The following HPSE2 variants were observed in gnomAD, a reference collection of about 807,000 sequenced individuals.
HPSE2 encodes heparanase 2 (inactive).
Under a neutral mutation model 60.5 loss-of-function variants are expected in HPSE2, and 38 were observed. The ratio of observed to expected loss-of-function variants is 0.63; its 90% CI spans 0.48 to 0.82. The LOEUF (loss-of-function observed/expected upper bound fraction) is 0.82. HPSE2 is among the 40% of genes least tolerant of loss of function. The probability of loss-of-function intolerance (pLI) is 0.00; values close to 1 mark genes in which losing one functional copy is unlikely to be tolerated. For synonymous variants in HPSE2, 295 were observed against 293.2 expected, an observed-to-expected ratio of 1.01 and a Z score of -0.06; for missense variants, 713 against 740.4, an observed-to-expected ratio of 0.96 and a Z score of 0.43.
intron 8 of HPSE2, among the ~76,000 whole-genome samples, chr10:98,617,380 A>C (rs971293794): frequency 6.6e-6 from 1 of 152,214 alleles, no homozygotes; most frequent in Non-Finnish European, 1.5e-5. Context: ...ACCTCTACAG[A>C]GCTTAGCTTA....
intron 5 of HPSE2, among the ~76,000 whole-genome samples, chr10:98,696,592 GC>G (rs1948224787): frequency 1.7e-5 from 1 of 59,318 alleles, no homozygotes; most frequent in Non-Finnish European, 3.5e-5. Context: ...CACCACTGGG[GC>G]GAGGGTCCCA....
intron 3 of HPSE2, among the ~76,000 whole-genome samples, chr10:99,028,967 T>C (rs942120162): frequency 3.3e-5 from 5 of 152,152 alleles, no homozygotes; most frequent in Non-Finnish European, 7.3e-5. Flanking sequence ...TCTCACCATA[T>C]ATAAAAATCA....
chr10:98,701,346 T>C (rs569718111), intron 5 of HPSE2, among the ~76,000 whole-genome samples: 2,186 of 149,048 alleles, frequency 0.015, 55 homozygotes, highest in African/African-American at 0.05. Context: ...CGTAGGGACA[T>C]GGATGAAATT....
chr10:98,673,993 CAGT>C (rs1947572222), intron 6 of HPSE2, among the ~76,000 whole-genome samples: 1 of 152,184 alleles, frequency 6.6e-6, no homozygotes, highest in Non-Finnish European at 1.5e-5. Context: ...GATTTCTACT[CAGT>C]AGGTCCAGAT....
intron 4 of HPSE2, among the ~76,000 whole-genome samples, chr10:98,730,949 T>C (rs1406105058): frequency 4.6e-5 from 7 of 152,038 alleles, no homozygotes; most frequent in East Asian, 3.9e-4. Context: ...TTTCAACTTA[T>C]GTTATGAGGC....
chr10:99,211,173 T>C (rs1009107614), intron 2 of HPSE2, among the ~76,000 whole-genome samples: 1 of 151,074 alleles, frequency 6.6e-6, no homozygotes, highest in Non-Finnish European at 1.5e-5. Context: ...TAATAGCTTT[T>C]ACAAAAAAAA....
chr10:98,827,392 G>A (rs1208950363), intron 3 of HPSE2, among the ~76,000 whole-genome samples: 1 of 151,978 alleles, frequency 6.6e-6, no homozygotes, highest in Non-Finnish European at 1.5e-5. Context: ...ATTTTTAGTA[G>A]AGACAGGGTT....
At chr10:98,992,438 C>T (rs1956547365) in intron 3 of HPSE2, among the ~76,000 whole-genome samples, 1 of 152,110 alleles carries the variant, frequency 6.6e-6, no homozygotes, top group Admixed American at 6.6e-5. Flanking sequence ...TGCTGCTAAT[C>T]ATTTACTGGG....
At chr10:98,675,723 G>T (rs1947623923) in intron 6 of HPSE2, among the ~76,000 whole-genome samples, 1 of 151,988 alleles carries the variant, frequency 6.6e-6, no homozygotes, top group African/African-American at 2.4e-5. Flanking sequence ...GACAGCATAA[G>T]ACCCCTATCT....
At chr10:98,878,886 C>T (rs745548774) in intron 3 of HPSE2, among the ~76,000 whole-genome samples, 1 of 151,678 alleles carries the variant, frequency 6.6e-6, no homozygotes, top group Non-Finnish European at 1.5e-5. Context: ...GACTGGATTA[C>T]AGTATAAAGA....
At chr10:99,083,966 C>CTTTT (rs34799799) in intron 3 of HPSE2, among the ~76,000 whole-genome samples, 11,117 of 79,746 alleles carry the variant, frequency 0.14, 1,220 homozygotes, top group Admixed American at 0.18. Flanking sequence ...GTGTGAAAGC[C>CTTTT]TTTTTTTTTT....
At chr10:99,107,965 C>CAAAATG (rs1351404027) in intron 3 of HPSE2, among the ~76,000 whole-genome samples, 8 of 151,912 alleles carry the variant, frequency 5.3e-5, no homozygotes, top group Admixed American at 5.3e-4. Context: ...TGTAAGGAGA[C>CAAAATG]CTTTTAACAG....
At chr10:98,781,411 TTAAA>T (rs1950466364) in intron 3 of HPSE2, among the ~76,000 whole-genome samples, 1 of 150,832 alleles carries the variant, frequency 6.6e-6, no homozygotes, top group South Asian at 2.1e-4. Context: ...AATTTATACA[TTAAA>T]TAAACAGTGG....
At chr10:99,261,023 T>C in the HPSE2 span, among the ~76,000 whole-genome samples, 1 of 152,178 alleles carries the variant, frequency 6.6e-6, no homozygotes, top group Non-Finnish European at 1.5e-5. Context: ...AATTTCTCCA[T>C]TTTACAAGAG....
chr10:98,834,425 G>C (rs748400787), intron 3 of HPSE2, among the ~76,000 whole-genome samples: 13 of 152,108 alleles, frequency 8.5e-5, no homozygotes, highest in African/African-American at 1.2e-4. Context: ...CTGCACCACT[G>C]AGTAGCCAGT....
intron 3 of HPSE2, among the ~76,000 whole-genome samples, chr10:98,785,686 C>G (rs1009200116): frequency 2.5e-4 from 36 of 146,618 alleles, no homozygotes; most frequent in Admixed American, 1.7e-3. Flanking sequence ...GTGTATGTGT[C>G]GAGGAATGTA....
chr10:98,506,213 G>C (rs574392642), intron 9 of HPSE2, among the ~76,000 whole-genome samples: 16 of 152,106 alleles, frequency 1.1e-4, no homozygotes, highest in African/African-American at 3.6e-4. Context: ...TCCCAATTAT[G>C]TACTTTTTCT....
chr10:98,665,240 GA>G (rs200346849), intron 6 of HPSE2, among the ~76,000 whole-genome samples: 1,705 of 151,738 alleles, frequency 0.011, 26 homozygotes, highest in African/African-American at 0.039. Flanking sequence ...AAAACTAAAG[GA>G]AAAAAAATTT....
chr10:98,745,118 C>T (rs554600158), intron 3 of HPSE2, among the ~76,000 whole-genome samples: 49 of 152,280 alleles, frequency 3.2e-4, no homozygotes, highest in Middle Eastern at 3.4e-3. Context: ...AGGAGAATGG[C>T]GTGAACCTGG....
Sources: gnomAD v4.1 joint callset for allele counts (sites outside exome capture counted in the v4.1 genomes callset) on GRCh38, gnomAD v4.1.1 for gene constraint, MANE v1.5 for transcripts, NCBI Gene and HGNC (gene_info 2026-07-23, HGNC 2026-07-21) for gene names.